Variants in GALNT13 observed in about 807,000 individuals in gnomAD.
GALNT13 encodes polypeptide N-acetylgalactosaminyltransferase 13.
In GALNT13, 28 loss-of-function variants were observed where a neutral mutation model predicts 64.2. The observed-to-expected ratio is 0.44, with a 90% CI of 0.32 to 0.60. GALNT13 has a LOEUF of 0.60. Ranked by LOEUF, GALNT13 falls within the 20% of genes least tolerant of loss-of-function variation. The pLI, the probability that GALNT13 is intolerant of heterozygous loss-of-function variation, is 0.05. For missense variants in GALNT13, 577 were observed against 669.8 expected (o/e 0.86, Z 1.53); for synonymous variants, 214 against 224.6 (o/e 0.95, Z 0.42).
At chr2:154,133,067 G>T (rs1008120201) in intron 3 of GALNT13, among the ~76,000 whole-genome samples, 1 of 152,050 alleles carries the variant, frequency 6.6e-6, no homozygotes, top group Admixed American at 6.6e-5. Flanking sequence ...GTGCCTATTG[G>T]CTTTGGCATA....
chr2:153,874,780 C>G (rs999016726), intron 1 of GALNT13, among the ~76,000 whole-genome samples: 1 of 152,094 alleles, frequency 6.6e-6, no homozygotes, highest in Non-Finnish European at 1.5e-5. Flanking sequence ...CAGGGGTCTT[C>G]TGCTTCTTTG....
intron 3 of GALNT13, among the ~76,000 whole-genome samples, chr2:154,139,158 G>A (rs533080562): frequency 1.3e-5 from 2 of 152,026 alleles, no homozygotes; most frequent in African/African-American, 2.4e-5. Flanking sequence ...GTCATCAACT[G>A]GATGGTCAAC....
the GALNT13 span, among the ~76,000 whole-genome samples, chr2:153,142,225 C>G: frequency 6.6e-6 from 1 of 152,010 alleles, no homozygotes; most frequent in African/African-American, 2.4e-5. Context: ...CAGAGCAAAA[C>G]CCCTGGAGGG....
chr2:154,125,776 G>A (rs1682226028), intron 3 of GALNT13, among the ~76,000 whole-genome samples: 1 of 152,134 alleles, frequency 6.6e-6, no homozygotes, highest in Admixed American at 6.5e-5. Context: ...ACTAAAAGAT[G>A]ACCAGTAAGA....
the GALNT13 span, among the ~76,000 whole-genome samples, chr2:153,771,538 C>T: frequency 4.0e-5 from 6 of 151,682 alleles, no homozygotes; most frequent in East Asian, 3.9e-4. Context: ...TGTGTAGTCT[C>T]CTAATCTAGG....
intron 1 of GALNT13, among the ~76,000 whole-genome samples, chr2:153,872,675 G>A (rs1686059216): frequency 6.9e-6 from 1 of 144,288 alleles, no homozygotes; most frequent in South Asian, 2.3e-4. Context: ...ACGTTCCTCC[G>A]CGGGGGTGGC....
At chr2:154,120,089 T>C (rs1282988614) in intron 3 of GALNT13, among the ~76,000 whole-genome samples, 2 of 152,164 alleles carry the variant, frequency 1.3e-5, no homozygotes, top group Non-Finnish European at 2.9e-5. Context: ...GTTTGTTTTT[T>C]TGTCAGGGAT....
the GALNT13 span, among the ~76,000 whole-genome samples, chr2:153,250,932 G>A: frequency 6.6e-6 from 1 of 151,960 alleles, no homozygotes; most frequent in Non-Finnish European, 1.5e-5. Context: ...TGCATGCAGG[G>A]CTTAAAACCT....
chr2:153,613,422 A>T, the GALNT13 span, among the ~76,000 whole-genome samples: 1 of 152,068 alleles, frequency 6.6e-6, no homozygotes, highest in Non-Finnish European at 1.5e-5. Context: ...TTACATTTGA[A>T]TTTGTCTTTC....
intron 12 of GALNT13, chr2:154,446,524 T>C: frequency 6.7e-7 from 1 of 1,503,696 alleles, no homozygotes; most frequent in Non-Finnish European, 8.9e-7. Flanking sequence ...TTACTGTCTT[T>C]GTACTTGATT....
chr2:153,447,661 C>T, the GALNT13 span, among the ~76,000 whole-genome samples: 11 of 152,088 alleles, frequency 7.2e-5, no homozygotes, highest in African/African-American at 2.7e-4. Context: ...CAAATTCTAG[C>T]TCTGTTTCAT....
chr2:153,562,778 C>A, the GALNT13 span, among the ~76,000 whole-genome samples: 1 of 152,018 alleles, frequency 6.6e-6, no homozygotes, highest in Non-Finnish European at 1.5e-5. Context: ...TATGAAGTGT[C>A]GCTGTGATGT....
intron 2 of GALNT13, among the ~76,000 whole-genome samples, chr2:153,906,986 C>T (rs1050218877): frequency 1.3e-5 from 2 of 152,050 alleles, no homozygotes; most frequent in Non-Finnish European, 2.9e-5. Flanking sequence ...TTGCATTTCT[C>T]TGATGGCCAG....
chr2:153,226,047 C>G, the GALNT13 span, among the ~76,000 whole-genome samples: 1 of 152,046 alleles, frequency 6.6e-6, no homozygotes, highest in Non-Finnish European at 1.5e-5. Flanking sequence ...ACTTCTCCTG[C>G]TTCAGCCTCC....
intron 4 of GALNT13, among the ~76,000 whole-genome samples, chr2:154,162,521 G>A (rs1684792221): frequency 6.6e-6 from 1 of 152,168 alleles, no homozygotes; most frequent in South Asian, 2.1e-4. Flanking sequence ...TATGGTAGAT[G>A]TAGTCTAGGA....
intron 3 of GALNT13, among the ~76,000 whole-genome samples, chr2:154,025,664 A>G (rs1476621523): frequency 6.6e-6 from 1 of 152,118 alleles, no homozygotes; most frequent in Non-Finnish European, 1.5e-5. Context: ...TTATTTCTTC[A>G]TTTAGTCAAC....
At chr2:153,154,014 ATTCC>A in the GALNT13 span, among the ~76,000 whole-genome samples, 5 of 151,044 alleles carry the variant, frequency 3.3e-5, no homozygotes, top group African/African-American at 9.7e-5. Flanking sequence ...GATATTGATT[ATTCC>A]TATCCAAGAG....
At chr2:153,756,123 T>C in the GALNT13 span, among the ~76,000 whole-genome samples, 2 of 152,152 alleles carry the variant, frequency 1.3e-5, no homozygotes, top group South Asian at 4.1e-4. Flanking sequence ...TTACCTTCTC[T>C]GATTTGATTG....
At chr2:153,997,313 C>A (rs1224499758) in intron 3 of GALNT13, among the ~76,000 whole-genome samples, 1 of 151,882 alleles carries the variant, frequency 6.6e-6, no homozygotes, top group African/African-American at 2.4e-5. Flanking sequence ...TATGTAATAT[C>A]TTTTTATTTG....
Sources: gnomAD v4.1 joint callset for allele counts (sites outside exome capture counted in the v4.1 genomes callset) on GRCh38, gnomAD v4.1.1 for gene constraint, MANE v1.5 for transcripts, NCBI Gene and HGNC (gene_info 2026-07-23, HGNC 2026-07-21) for gene names.